FAAH2: variants seen among roughly 807,000 people sequenced by gnomAD.
FAAH2 encodes fatty-acid amide hydrolase 2.
Under a neutral mutation model 36.9 loss-of-function variants are expected in FAAH2, and 60 were observed. That is an observed-to-expected ratio of 1.63 (90% CI 1.32 to 2.02). The LOEUF (loss-of-function observed/expected upper bound fraction) is 2.02, where lower values mean the gene tolerates loss of function less well. Among genes scored for constraint, FAAH2 ranks in the 30% most tolerant of loss-of-function variants. The pLI is 0.00. For synonymous variants in FAAH2, 214 were observed against 143.8 expected, an observed-to-expected ratio of 1.49 and a Z score of -3.49; for missense variants, 689 against 397.5, an observed-to-expected ratio of 1.73 and a Z score of -6.23.
At chrX:57,139,462 G>T in the FAAH2 span, among the ~76,000 whole-genome samples, 1 of 111,228 alleles carries the variant, frequency 9.0e-6, no homozygotes, top group Non-Finnish European at 1.9e-5. Flanking sequence ...TTGTTTGCTT[G>T]TTTGTTTGTT....
chrX:57,287,006 C>T lies in FAAH2; in HGVS notation c.181C>T (p.Arg61Ter), dbSNP rs2051827611. The change falls in exon 1 of 11, where the codon CGA becomes TGA. Residue 61 changes from arginine to a stop codon, truncating the protein, a stop_gained. Coordinates refer to ENST00000374900, the MANE Select transcript of FAAH2 (RefSeq NM_174912.4). LOFTEE classifies it high-confidence loss of function. ...LSGMQLAKLIRQRKVKCIDVV... is the reference protein window; with the variant it reads ...LSGMQLAKLI ...GGGGATGCAGCTGGCCAAGCTGATC[C>T]GACAGAGAAAGGTGAGAATGCAATT... 1.7e-6 allele frequency: 2 copies of T among 1,183,465 alleles called. No individual in the cohort carries two copies. The highest frequency in any genetic ancestry group is 3.6e-5 in the African/African-American group (2 of 55,874).
chrX:57,220,337 T>TC, the FAAH2 span, among the ~76,000 whole-genome samples: 47,750 of 108,509 alleles, frequency 0.44, 10,852 homozygotes, highest in African/African-American at 0.86. Context: ...CCTATTCTCC[T>TC]CCCCAACGCC....
chrX:57,441,923 G>C (rs2056567423), intron 8 of FAAH2, among the ~76,000 whole-genome samples: 1 of 111,753 alleles, frequency 8.9e-6, no homozygotes, highest in African/African-American at 3.3e-5. Context: ...GCTGTTTTGA[G>C]TGAGTTACTT....
At chrX:57,448,482 G>T in intron 9 of FAAH2, 42 bp from the exon 10 acceptor site, 1 of 1,100,089 alleles carries the variant, frequency 9.1e-7, no homozygotes, top group Non-Finnish European at 1.2e-6. Flanking sequence ...GAATTAAAAT[G>T]AAGTTTATTA....
chrX:57,363,252 G>A (rs1420491906), intron 5 of FAAH2, among the ~76,000 whole-genome samples: 3 of 111,466 alleles, frequency 2.7e-5, no homozygotes, highest in African/African-American at 6.5e-5. Context: ...TATTTTAGCA[G>A]AGTTTTATAA....
chrX:57,325,100 A>C (rs775922080), intron 3 of FAAH2, among the ~76,000 whole-genome samples: 7 of 111,828 alleles, frequency 6.3e-5, no homozygotes. Flanking sequence ...AGATAATCAA[A>C]TGGTTTTTGT....
At chrX:57,247,819 T>G in the FAAH2 span, among the ~76,000 whole-genome samples, 1 of 112,335 alleles carries the variant, frequency 8.9e-6, no homozygotes, top group Non-Finnish European at 1.9e-5. Flanking sequence ...TCTAGTTAAG[T>G]GGTCATAGGC....
At chrX:57,437,289 G>A (rs1357672665) in intron 8 of FAAH2, among the ~76,000 whole-genome samples, 1 of 110,925 alleles carries the variant, frequency 9.0e-6, no homozygotes, top group Admixed American at 9.7e-5. Flanking sequence ...ATGGAGAAAA[G>A]TTGAAAGCAT....
At chrX:57,393,376 G>A (rs5914096) in intron 7 of FAAH2, 112,005 of 730,422 alleles carry the variant, frequency 0.15, 6,742 homozygotes, top group Middle Eastern at 0.39. Flanking sequence ...CGTGAGGGTG[G>A]AGACCGGAAT....
chrX:57,324,734 T>A (rs774898191), intron 3 of FAAH2, among the ~76,000 whole-genome samples: 11 of 112,255 alleles, frequency 9.8e-5, no homozygotes, highest in Non-Finnish European at 1.5e-4. Flanking sequence ...CTTAAGGAGA[T>A]TTTGGGCAGA....
At chrX:57,310,404 T>G (rs2052659635) in intron 2 of FAAH2, among the ~76,000 whole-genome samples, 189 bp from the exon 3 acceptor site, 1 of 111,924 alleles carries the variant, frequency 8.9e-6, no homozygotes, top group Non-Finnish European at 1.9e-5. Context: ...TAGGTTGGAT[T>G]ACTGTTCTTA....
At chrX:57,149,720 A>G in the FAAH2 span, among the ~76,000 whole-genome samples, 1 of 111,088 alleles carries the variant, frequency 9.0e-6, no homozygotes, top group African/African-American at 3.3e-5. Context: ...TCCTGGATTC[A>G]TTAATTTTTT....
chrX:57,279,508 G>A, the FAAH2 span, among the ~76,000 whole-genome samples: 4 of 111,314 alleles, frequency 3.6e-5, no homozygotes, highest in East Asian at 2.8e-4. Flanking sequence ...TGTAGGTGAC[G>A]GGTTGATGGG....
At chrX:57,185,618 G>A in the FAAH2 span, among the ~76,000 whole-genome samples, 1 of 109,426 alleles carries the variant, frequency 9.1e-6, no homozygotes, top group South Asian at 4.0e-4. Flanking sequence ...GTATACATAT[G>A]CCATGGTGAT....
intron 7 of FAAH2, among the ~76,000 whole-genome samples, chrX:57,425,946 A>G (rs970919594): frequency 2.7e-5 from 3 of 112,257 alleles, no homozygotes; most frequent in Non-Finnish European, 1.9e-5. Flanking sequence ...TATTCTTGAA[A>G]AAGACTCACC....
intron 10 of FAAH2, among the ~76,000 whole-genome samples, chrX:57,452,758 G>T (rs1301765096): frequency 8.9e-6 from 1 of 111,936 alleles, no homozygotes; most frequent in African/African-American, 3.2e-5. Flanking sequence ...AAAAATTACT[G>T]GAAACAACCA....
chrX:57,486,123 C>A (rs1384622392), intron 10 of FAAH2, among the ~76,000 whole-genome samples: 1 of 111,764 alleles, frequency 8.9e-6, no homozygotes, highest in African/African-American at 3.3e-5. Flanking sequence ...TGCTGCCTTC[C>A]CCAGTAAAAC....
chrX:57,363,343 A>G (rs2054331868), intron 5 of FAAH2, among the ~76,000 whole-genome samples: 1 of 111,556 alleles, frequency 9.0e-6, no homozygotes, highest in Non-Finnish European at 1.9e-5. Flanking sequence ...TCATAAATAT[A>G]TTACATTCTT....
chrX:57,217,742 T>C, the FAAH2 span, among the ~76,000 whole-genome samples: 1 of 112,114 alleles, frequency 8.9e-6, no homozygotes, highest in African/African-American at 3.2e-5. Context: ...TCTTTTTGCT[T>C]AGTCTTGCTT....
Sources: gnomAD v4.1 joint callset for allele counts (sites outside exome capture counted in the v4.1 genomes callset) on GRCh38, gnomAD v4.1.1 for gene constraint, MANE v1.5 for transcripts, NCBI Gene and HGNC (gene_info 2026-07-23, HGNC 2026-07-21) for gene names.